ANKRD55: variants seen among roughly 807,000 people sequenced by gnomAD.
The protein encoded by ANKRD55 is ankyrin repeat domain 55.
ANKRD55 carries 41 observed loss-of-function variants against 60.6 expected under a neutral mutation model. The ratio of observed to expected loss-of-function variants is 0.68; its 90% CI spans 0.53 to 0.88. The LOEUF (loss-of-function observed/expected upper bound fraction) is 0.88. ANKRD55 is among the 40% of genes least tolerant of loss of function. The pLI, the probability that ANKRD55 is intolerant of heterozygous loss-of-function variation, is 0.00. For synonymous variants in ANKRD55, 264 were observed against 290.3 expected (o/e 0.91, Z 0.92); for missense variants, 732 against 767.6 (o/e 0.95, Z 0.55).
intron 7 of ANKRD55, among the ~76,000 whole-genome samples, chr5:56,136,536 C>T (rs540644511): frequency 2.6e-4 from 40 of 152,264 alleles, no homozygotes; most frequent in African/African-American, 9.6e-4. Flanking sequence ...GCTGAAACAA[C>T]TGGACATCTA....
Position 56,111,107 on chromosome 5 carries a change from A to G in ANKRD55, c.1630+11T>C. 1 of 1,607,298 alleles carries G rather than the reference A, an allele frequency of 6.2e-7. No homozygotes were observed. The highest frequency in any genetic ancestry group is 1.7e-5 in the Admixed American group (1 of 59,676). ...GCCTGCTGAGAATGAACATGAAATC[A>G]AGGACATTACCTGATGATGGATTAT... On this transcript the variant is annotated intron_variant, in intron 10 of 11. Coordinates refer to ENST00000341048, the MANE Select transcript of ANKRD55 (RefSeq NM_024669.3).
chr5:56,175,371 G>C (rs1758715430), intron 4 of ANKRD55, among the ~76,000 whole-genome samples: 1 of 152,224 alleles, frequency 6.6e-6, no homozygotes, highest in South Asian at 2.1e-4. Flanking sequence ...TGGTCATAGT[G>C]AAGATTTCTG....
rs542925888 is a variant in ANKRD55 at position 56,187,409 on chromosome 5, C to G, written c.59-3775G>C. On this transcript the variant is annotated intron_variant, in intron 2 of 11. Coordinates refer to ENST00000341048, the MANE Select transcript of ANKRD55 (RefSeq NM_024669.3). The stretch of plus-strand genomic sequence containing the variant: ...TGACCGGGATTTAAACCCAGGCATT[C>G]GAGCTGGCAACGGCTACCCTCTCTG... Among the ~76,000 whole-genome samples the G allele has an allele frequency of 7.2e-5, 11 of 152,348 alleles. No individual in the cohort carries two copies. In the South Asian group the frequency reaches 2.1e-3, roughly 29 times the overall value.
chr5:56,231,689 A>G (rs1434555223), intron 2 of ANKRD55, among the ~76,000 whole-genome samples: 1 of 150,484 alleles, frequency 6.6e-6, no homozygotes. Flanking sequence ...ACACACACAC[A>G]CACACACATA....
intron 7 of ANKRD55, among the ~76,000 whole-genome samples, chr5:56,135,352 T>C (rs984102407): frequency 1.1e-4 from 2 of 18,884 alleles, no homozygotes; most frequent in Non-Finnish European, 2.1e-4. Context: ...TCTTTCTTTC[T>C]TTCTTTCTTT....
intron 2 of ANKRD55, among the ~76,000 whole-genome samples, chr5:56,186,372 T>C (rs994436184): frequency 1.1e-4 from 16 of 152,198 alleles, no homozygotes; most frequent in Admixed American, 2.0e-4. Context: ...TTTGCCATGT[T>C]GCCCAGGCTG....
At chr5:56,129,002 T>C (rs1757344331) in intron 7 of ANKRD55, among the ~76,000 whole-genome samples, 1 of 152,184 alleles carries the variant, frequency 6.6e-6, no homozygotes, top group African/African-American at 2.4e-5. Context: ...CAGTTAATCT[T>C]TGGGTACTTT....
intron 2 of ANKRD55, among the ~76,000 whole-genome samples, chr5:56,229,710 G>A (rs537846552): frequency 6.6e-6 from 1 of 152,286 alleles, no homozygotes; most frequent in East Asian, 1.9e-4. Flanking sequence ...CCTCGTTGGA[G>A]CCCTGAAGGT....
At chr5:56,102,081 TG>T (rs1284430272) in intron 11 of ANKRD55, among the ~76,000 whole-genome samples, 2 of 152,136 alleles carry the variant, frequency 1.3e-5, no homozygotes, top group African/African-American at 4.8e-5. Flanking sequence ...TGGCACCTGA[TG>T]TTCCCTTGAA....
chr5:56,146,817 G>T (rs973365536), intron 6 of ANKRD55: 34 of 152,188 alleles, frequency 2.2e-4, no homozygotes, highest in African/African-American at 7.7e-4. Context: ...TCTGAGGTCA[G>T]GTGCGTTCAG....
chr5:56,212,033 A>G (rs1182044733), intron 2 of ANKRD55, among the ~76,000 whole-genome samples: 1 of 147,392 alleles, frequency 6.8e-6, no homozygotes, highest in Non-Finnish European at 1.5e-5. Context: ...TTCTAAGATT[A>G]GCATAAACTG....
intron 2 of ANKRD55, among the ~76,000 whole-genome samples, chr5:56,229,374 G>A (rs932293279): frequency 3.3e-5 from 5 of 152,220 alleles, no homozygotes; most frequent in African/African-American, 4.8e-5. Flanking sequence ...AAAGAGAGTC[G>A]AGAGTTCTGA....
chr5:56,159,792 A>T (rs1411273935), intron 6 of ANKRD55, 41 bp downstream of exon 6: 1 of 1,599,484 alleles, frequency 6.3e-7, no homozygotes, highest in East Asian at 2.2e-5. Flanking sequence ...TTTCACCCTC[A>T]CATGCAAAAT....
chr5:56,118,511 C>A (rs1256822919), intron 8 of ANKRD55, among the ~76,000 whole-genome samples: 1 of 151,936 alleles, frequency 6.6e-6, no homozygotes, highest in Non-Finnish European at 1.5e-5. Flanking sequence ...GTAGTCTCAG[C>A]TACTTGGGAG....
intron 2 of ANKRD55, among the ~76,000 whole-genome samples, chr5:56,210,044 G>T (rs1759622991): frequency 6.6e-6 from 1 of 151,730 alleles, no homozygotes; most frequent in Admixed American, 6.6e-5. Flanking sequence ...GTCTCGTTCT[G>T]TCGCCCAGGC....
intron 6 of ANKRD55, among the ~76,000 whole-genome samples, chr5:56,153,994 G>A (rs1480281084): frequency 6.6e-6 from 1 of 151,222 alleles, no homozygotes; most frequent in African/African-American, 2.4e-5. Context: ...GGTGGGTCAC[G>A]AGGTCAGGAG....
chr5:56,151,825 A>AAC (rs200393900), intron 6 of ANKRD55, among the ~76,000 whole-genome samples: 1 of 28,296 alleles, frequency 3.5e-5, no homozygotes, highest in Admixed American at 3.5e-4. Context: ...AAAAAAAAAA[A>AAC]TCTATATATA....
chr5:56,191,742 T>C (rs1183681443), intron 2 of ANKRD55, among the ~76,000 whole-genome samples: 2 of 152,166 alleles, frequency 1.3e-5, no homozygotes, highest in Non-Finnish European at 2.9e-5. Context: ...AAGGAAGACG[T>C]GTGAAGCAGA....
chr5:56,185,240 A>G (rs779149646), intron 2 of ANKRD55, among the ~76,000 whole-genome samples: 10 of 151,850 alleles, frequency 6.6e-5, no homozygotes, highest in Non-Finnish European at 1.2e-4. Context: ...AACAACAACA[A>G]CAAAAGAACT....
Sources: allele counts gnomAD v4.1 joint callset (sites outside exome capture counted in the v4.1 genomes callset), GRCh38; gene constraint gnomAD v4.1.1; transcripts MANE v1.5; gene names NCBI Gene and HGNC (gene_info 2026-07-23, HGNC 2026-07-21).